Variants in GRIK1 observed in about 807,000 individuals in gnomAD.
GRIK1 encodes glutamate receptor ionotropic, kainate 1.
In GRIK1, 69 loss-of-function variants were observed where a neutral mutation model predicts 105.7. The ratio of observed to expected loss-of-function variants is 0.65; its 90% CI spans 0.54 to 0.80. The LOEUF is 0.80. GRIK1 is among the 30% of genes least tolerant of loss of function. The pLI, the probability that GRIK1 is intolerant of heterozygous loss-of-function variation, is 0.00. For synonymous variants in GRIK1, 438 were observed against 431.3 expected, an observed-to-expected ratio of 1.02 and a Z score of -0.19; for missense variants, 1,109 against 1,167.3, an observed-to-expected ratio of 0.95 and a Z score of 0.73.
At chr21:29,895,963 C>A (rs1180101436) in intron 1 of GRIK1, among the ~76,000 whole-genome samples, 1 of 152,210 alleles carries the variant, frequency 6.6e-6, no homozygotes. Context: ...CCACACTGAC[C>A]TCTGTGTTGT....
chr21:29,727,409 A>T (rs2064497038), intron 1 of GRIK1, among the ~76,000 whole-genome samples: 1 of 152,146 alleles, frequency 6.6e-6, no homozygotes, highest in African/African-American at 2.4e-5. Flanking sequence ...GGTACTGTAT[A>T]TTGACAATTG....
intron 3 of GRIK1, among the ~76,000 whole-genome samples, chr21:29,680,328 A>G (rs968689497): frequency 6.6e-6 from 1 of 152,222 alleles, no homozygotes; most frequent in East Asian, 1.9e-4. Flanking sequence ...TCAAATGGGG[A>G]ACACATTCAA....
intron 16 of GRIK1, among the ~76,000 whole-genome samples, chr21:29,543,854 TA>T (rs2090009585): frequency 6.6e-6 from 1 of 152,228 alleles, no homozygotes; most frequent in South Asian, 2.1e-4. Context: ...TTTAAAGCTT[TA>T]AACTGGCTCC....
At chr21:29,697,928 C>CTCTCTCTT (rs1555874557) in intron 1 of GRIK1, among the ~76,000 whole-genome samples, 43 of 145,976 alleles carry the variant, frequency 2.9e-4, no homozygotes, top group Middle Eastern at 6.8e-3. Flanking sequence ...CTCTCTCTCT[C>CTCTCTCTT]TCTTTCTTTC....
chr21:29,602,721 A>G (rs2061541003), intron 7 of GRIK1, among the ~76,000 whole-genome samples: 1 of 152,218 alleles, frequency 6.6e-6, no homozygotes, highest in Admixed American at 6.5e-5. Context: ...AAAGTAAGAA[A>G]TGATGCGAAA....
chr21:29,598,693 G>C (rs1219344704), intron 8 of GRIK1, 137 bp downstream of exon 8: 7 of 528,132 alleles, frequency 1.3e-5, no homozygotes, highest in Non-Finnish European at 2.3e-5. Context: ...AAAAAAGAAA[G>C]AGAGATAAAA....
chr21:29,663,319 T>A (rs1366046727), intron 4 of GRIK1, among the ~76,000 whole-genome samples: 1 of 152,200 alleles, frequency 6.6e-6, no homozygotes, highest in Non-Finnish European at 1.5e-5. Context: ...AAGCTTTATC[T>A]TAAGTAGGAT....
At chr21:29,665,112 C>A (rs1320544308) in intron 4 of GRIK1, among the ~76,000 whole-genome samples, 1 of 152,226 alleles carries the variant, frequency 6.6e-6, no homozygotes, top group African/African-American at 2.4e-5. Flanking sequence ...TATGGTTTTT[C>A]TCGCTTCCCA....
intron 16 of GRIK1, among the ~76,000 whole-genome samples, chr21:29,549,072 G>A (rs117899813): frequency 0.025 from 3,731 of 152,186 alleles, 70 homozygotes; most frequent in Non-Finnish European, 0.039. Flanking sequence ...CCACCATGTT[G>A]CCCAGGCTGG....
intron 2 of GRIK1, among the ~76,000 whole-genome samples, chr21:29,692,388 A>G (rs745552153): frequency 6.6e-6 from 1 of 152,170 alleles, no homozygotes; most frequent in South Asian, 2.1e-4. Context: ...ATCTATCTCT[A>G]CATTATAGAG....
intron 16 of GRIK1, among the ~76,000 whole-genome samples, chr21:29,546,816 A>G (rs1296991593): frequency 6.6e-6 from 1 of 152,270 alleles, no homozygotes; most frequent in East Asian, 1.9e-4. Context: ...TGCAAGGACT[A>G]CTTAACATCT....
chr21:29,562,404 C>T (rs1463407692), intron 14 of GRIK1, among the ~76,000 whole-genome samples: 2 of 152,156 alleles, frequency 1.3e-5, no homozygotes, highest in Admixed American at 1.3e-4. Context: ...CCTGTAATCC[C>T]AGCACTTTGG....
At chr21:29,601,536 C>A (rs1483278222) in intron 7 of GRIK1, among the ~76,000 whole-genome samples, 2 of 152,206 alleles carry the variant, frequency 1.3e-5, no homozygotes, top group Non-Finnish European at 2.9e-5. Flanking sequence ...CTATGCACAG[C>A]CCCAGCTGGA....
At chr21:29,621,856 G>T (rs562871263) in intron 7 of GRIK1, among the ~76,000 whole-genome samples, 1 of 152,256 alleles carries the variant, frequency 6.6e-6, no homozygotes, top group South Asian at 2.1e-4. Flanking sequence ...ACTGGAGAAG[G>T]TCACATGGAT....
intron 8 of GRIK1, chr21:29,597,512 A>G (rs570282891): frequency 1.2e-5 from 3 of 246,938 alleles, no homozygotes; most frequent in Admixed American, 9.4e-5. Context: ...ACATTTTCTT[A>G]AAAAAATTAT....
chr21:29,657,345 T>A (rs1201097032), intron 4 of GRIK1: 5 of 152,240 alleles, frequency 3.3e-5, no homozygotes, highest in East Asian at 3.8e-4. Flanking sequence ...AGCATTTTTT[T>A]AAACAACCAT....
chr21:29,745,322 A>G (rs2065024892), intron 1 of GRIK1, among the ~76,000 whole-genome samples: 1 of 152,078 alleles, frequency 6.6e-6, no homozygotes, highest in Non-Finnish European at 1.5e-5. Flanking sequence ...TGCAGATGAG[A>G]CTTTACTCTT....
intron 1 of GRIK1, among the ~76,000 whole-genome samples, chr21:29,715,336 G>A (rs750913067): frequency 1.3e-5 from 2 of 152,120 alleles, no homozygotes; most frequent in African/African-American, 4.8e-5. Context: ...GTGGAAAGGG[G>A]CTTACACCAT....
intron 4 of GRIK1, among the ~76,000 whole-genome samples, chr21:29,663,204 C>T (rs923789800): frequency 5.9e-5 from 9 of 152,142 alleles, no homozygotes; most frequent in Non-Finnish European, 7.4e-5. Flanking sequence ...ATAGGAGGTG[C>T]AAGTGGCAGG....
Sources: allele counts gnomAD v4.1 joint callset (sites outside exome capture counted in the v4.1 genomes callset), GRCh38; gene constraint gnomAD v4.1.1; transcripts MANE v1.5; gene names NCBI Gene and HGNC (gene_info 2026-07-23, HGNC 2026-07-21).